Variants in SMYD3 observed in about 807,000 individuals in gnomAD.
SMYD3 encodes histone-lysine N-methyltransferase SMYD3.
A neutral mutation model predicts 57.7 loss-of-function variants in SMYD3; 36 were observed. The observed-to-expected ratio is 0.62, with a 90% CI of 0.48 to 0.82. The LOEUF (loss-of-function observed/expected upper bound fraction) is 0.82, where lower values mean the gene tolerates loss of function less well. Among genes scored for constraint, SMYD3 ranks in the 40% least tolerant of loss-of-function variants. SMYD3 has a pLI of 0.00. For missense variants in SMYD3, 515 were observed against 538.8 expected, an observed-to-expected ratio of 0.96 and a Z score of 0.44; for synonymous variants, 211 against 195.0, an observed-to-expected ratio of 1.08 and a Z score of -0.68.
At position 245,816,638 on chromosome 1, in the gene SMYD3, G is replaced by A. The variant is rs185866121; in HGVS notation, c.1076+41858C>T. Among the ~76,000 whole-genome samples the A allele has an allele frequency of 2.5e-3, 374 of 152,038 alleles. 2 individuals carry two copies. The highest frequency in any genetic ancestry group is 0.01 in the Middle Eastern group (3 of 292). ...TTTCTGCATTTCCATCTGAGGTACCGGGTTCATCTCACTAGGGAGTGCCAG... is the reference window on the plus strand; with the variant it reads ...TTTCTGCATTTCCATCTGAGGTACCAGGTTCATCTCACTAGGGAGTGCCAG... On this transcript the variant is annotated intron_variant, in intron 10 of 11. Transcript: ENST00000490107.
At chr1:246,220,299 A>ACCCCACCCG (rs961354872) in intron 5 of SMYD3, among the ~76,000 whole-genome samples, 2 of 148,192 alleles carry the variant, frequency 1.3e-5, no homozygotes, top group Non-Finnish European at 3.0e-5. Flanking sequence ...CAGGGAGAAG[A>ACCCCACCCG]CCCCACCCGC....
At chr1:245,774,708 GTCTCCC>G (rs1257205266) in intron 10 of SMYD3, among the ~76,000 whole-genome samples, 2 of 132,930 alleles carry the variant, frequency 1.5e-5, no homozygotes, top group African/African-American at 5.5e-5. Flanking sequence ...CCTCTCCACG[GTCTCCC>G]TCTCCCTCTC....
In SMYD3 at chr1:246,174,307, A is replaced by C. The variant is rs566646192; in HGVS notation, c.531+152894T>G. Among the ~76,000 whole-genome samples, 11 of 152,286 alleles carry C rather than the reference A, an allele frequency of 7.2e-5. No homozygotes were observed. The South Asian group carries it at 2.3e-3, about 32-fold the overall frequency. ...TACCAGGTTCACCACAAACACGAGT[A>C]ATGTGTTGTCTGTGGAGTTATGACA... On this transcript the variant is annotated intron_variant, in intron 5 of 11. Transcript: ENST00000490107.
chr1:245,758,335 G>A (rs1347745328), intron 11 of SMYD3, among the ~76,000 whole-genome samples: 1 of 152,044 alleles, frequency 6.6e-6, no homozygotes, highest in Non-Finnish European at 1.5e-5. Flanking sequence ...CATGTCATCT[G>A]TATATAGAGA....
At chr1:245,803,288 G>C (rs2047963201) in intron 10 of SMYD3, among the ~76,000 whole-genome samples, 3 of 152,224 alleles carry the variant, frequency 2.0e-5, no homozygotes, top group African/African-American at 7.2e-5. Context: ...CAGGAGAGGT[G>C]CTAGGAGCAA....
intron 5 of SMYD3, among the ~76,000 whole-genome samples, chr1:246,121,155 T>G (rs1482672492): frequency 1.3e-5 from 2 of 152,162 alleles, no homozygotes; most frequent in Admixed American, 1.3e-4. Context: ...TTTAAATATT[T>G]TGTGATATAA....
intron 1 of SMYD3, among the ~76,000 whole-genome samples, chr1:246,477,351 A>C (rs2068042631): frequency 6.6e-6 from 1 of 152,228 alleles, no homozygotes. Flanking sequence ...GGGTACCATG[A>C]TGTCAGAAAA....
At chr1:245,982,921 T>C (rs1558557545) in intron 5 of SMYD3, among the ~76,000 whole-genome samples, 1 of 152,246 alleles carries the variant, frequency 6.6e-6, no homozygotes, top group Non-Finnish European at 1.5e-5. Flanking sequence ...AAGGTTCCCT[T>C]ATACAGTTGA....
intron 5 of SMYD3, among the ~76,000 whole-genome samples, chr1:246,007,654 G>A (rs1354814752): frequency 1.4e-5 from 2 of 146,716 alleles, no homozygotes; most frequent in African/African-American, 2.5e-5. Flanking sequence ...ACCAAAAATA[G>A]AAAAAAAAAA....
intron 5 of SMYD3, among the ~76,000 whole-genome samples, chr1:246,178,534 T>C (rs539235786): frequency 1.3e-5 from 2 of 152,308 alleles, no homozygotes; most frequent in East Asian, 3.9e-4. Flanking sequence ...ACATCATACC[T>C]GCTCGATCAA....
At chr1:245,812,012 T>C (rs1045792613) in intron 10 of SMYD3, among the ~76,000 whole-genome samples, 1 of 152,202 alleles carries the variant, frequency 6.6e-6, no homozygotes, top group Non-Finnish European at 1.5e-5. Flanking sequence ...CTTAGATTGT[T>C]TCAAAATTGA....
chr1:245,823,180 C>A (rs1386073231), intron 10 of SMYD3, among the ~76,000 whole-genome samples: 1 of 152,144 alleles, frequency 6.6e-6, no homozygotes, highest in Admixed American at 6.5e-5. Context: ...GGAATGTGAC[C>A]AGTAACAGGA....
intron 5 of SMYD3, among the ~76,000 whole-genome samples, chr1:246,181,697 G>C (rs1277149144): frequency 1.3e-5 from 2 of 152,126 alleles, no homozygotes; most frequent in African/African-American, 4.8e-5. Flanking sequence ...GGTCCCCTTT[G>C]GGATCTAGTC....
intron 5 of SMYD3, among the ~76,000 whole-genome samples, chr1:246,156,466 T>C (rs1403182349): frequency 1.3e-5 from 2 of 152,208 alleles, no homozygotes; most frequent in African/African-American, 4.8e-5. Context: ...GGTAAGAACA[T>C]ATTTTCCCCA....
At chr1:245,813,860 C>A (rs1416145163) in intron 10 of SMYD3, among the ~76,000 whole-genome samples, 7 of 146,952 alleles carry the variant, frequency 4.8e-5, no homozygotes, top group African/African-American at 1.8e-4. Flanking sequence ...TCATGGAGCC[C>A]TATATATATA....
chr1:246,105,679 AGAC>A (rs553258600), intron 5 of SMYD3, among the ~76,000 whole-genome samples: 3 of 152,238 alleles, frequency 2.0e-5, no homozygotes, highest in Non-Finnish European at 2.9e-5. Context: ...TGGGCTGATG[AGAC>A]TTAACTAAAA....
intron 7 of SMYD3, among the ~76,000 whole-genome samples, chr1:245,920,597 AG>A (rs2055848269): frequency 6.6e-6 from 1 of 152,148 alleles, no homozygotes; most frequent in African/African-American, 2.4e-5. Flanking sequence ...CCCCGACTTC[AG>A]GCTACCACTG....
At chr1:246,321,221 C>G (rs1435158054) in intron 5 of SMYD3, among the ~76,000 whole-genome samples, 1 of 152,236 alleles carries the variant, frequency 6.6e-6, no homozygotes, top group Non-Finnish European at 1.5e-5. Flanking sequence ...CAGTGGCAGA[C>G]TGCGCTCTTG....
intron 5 of SMYD3, among the ~76,000 whole-genome samples, chr1:245,973,612 G>C (rs1254565256): frequency 6.6e-6 from 1 of 152,196 alleles, no homozygotes. Flanking sequence ...ACATACCAAA[G>C]AATCTTGCTT....
Sources: allele counts gnomAD v4.1 joint callset (sites outside exome capture counted in the v4.1 genomes callset), GRCh38; gene constraint gnomAD v4.1.1; transcripts MANE v1.5; gene names NCBI Gene and HGNC (gene_info 2026-07-23, HGNC 2026-07-21).